The following RNLS variants were observed in gnomAD, a reference collection of about 807,000 sequenced individuals.
The protein encoded by RNLS is renalase, FAD dependent amine oxidase.
RNLS carries 39 observed loss-of-function variants against 39.8 expected under a neutral mutation model. That is an observed-to-expected ratio of 0.98 (90% CI 0.76 to 1.28). RNLS has a LOEUF of 1.28. RNLS is among the 50% of genes most tolerant of loss of function. The pLI is 0.00. For missense variants in RNLS, 410 were observed against 413.3 expected (o/e 0.99, Z 0.07); for synonymous variants, 147 against 150.7 (o/e 0.98, Z 0.18).
intron 4 of RNLS, among the ~76,000 whole-genome samples, chr10:88,559,457 A>G (rs1412525983): frequency 6.6e-6 from 1 of 152,094 alleles, no homozygotes; most frequent in African/African-American, 2.4e-5. Flanking sequence ...GCTCACCATA[A>G]TCTGCCCCAA....
intron 4 of RNLS, among the ~76,000 whole-genome samples, chr10:88,363,096 A>T (rs962629912): frequency 6.6e-6 from 1 of 152,162 alleles, no homozygotes. Context: ...TACTTGACAT[A>T]AGCATTTCAC....
intron 4 of RNLS, among the ~76,000 whole-genome samples, chr10:88,383,123 CT>C (rs1851654437): frequency 6.6e-6 from 1 of 152,018 alleles, no homozygotes; most frequent in African/African-American, 2.4e-5. Context: ...CTTTTGCGGA[CT>C]TAACCATCAT....
chr10:88,283,025 G>T (rs745386584), downstream of RNLS, among the ~76,000 whole-genome samples: 3 of 152,148 alleles, frequency 2.0e-5, no homozygotes, highest in East Asian at 5.8e-4. Context: ...GTGTGGCCCC[G>T]TGGGGCTAAC....
chr10:88,537,242 A>G (rs1305000045), intron 4 of RNLS, among the ~76,000 whole-genome samples: 2 of 152,160 alleles, frequency 1.3e-5, no homozygotes, highest in Admixed American at 6.6e-5. Flanking sequence ...ATTACTATCA[A>G]CTCAATACAG....
chr10:88,452,866 C>A (rs1450550946), intron 4 of RNLS, among the ~76,000 whole-genome samples: 1 of 152,154 alleles, frequency 6.6e-6, no homozygotes, highest in African/African-American at 2.4e-5. Flanking sequence ...TCTTGGTACT[C>A]TCTTGCTCAA....
At chr10:88,578,132 T>C (rs1850318404) in intron 3 of RNLS, among the ~76,000 whole-genome samples, 1 of 152,214 alleles carries the variant, frequency 6.6e-6, no homozygotes, top group South Asian at 2.1e-4. Flanking sequence ...AAGAGATTAC[T>C]ATGTGACTGG....
intron 4 of RNLS, among the ~76,000 whole-genome samples, chr10:88,460,600 A>G (rs1842892483): frequency 6.6e-6 from 1 of 152,276 alleles, no homozygotes; most frequent in East Asian, 1.9e-4. Context: ...GAAAGACAAG[A>G]GCATTCCTAT....
exon 7 of RNLS, chr10:88,275,029 G>A (rs762876498): frequency 6.2e-6 from 10 of 1,612,472 alleles, no homozygotes; most frequent in Middle Eastern, 1.6e-4. Context: ...CCAGCACTTG[G>A]TACCTGAAAA....
the RNLS span, among the ~76,000 whole-genome samples, chr10:88,265,323 CTTTTTTTTTTTTTTTT>C: frequency 3.4e-5 from 2 of 59,066 alleles, no homozygotes; most frequent in Non-Finnish European, 6.3e-5. Context: ...CAGGGTTTTT[CTTTTTTTTTTTTTTTT>C]TTTTTTTTGG....
intron 4 of RNLS, among the ~76,000 whole-genome samples, chr10:88,523,481 T>A (rs114866399): frequency 5.3e-4 from 81 of 152,312 alleles, no homozygotes; most frequent in African/African-American, 1.9e-3. Flanking sequence ...TTTATTATTA[T>A]TCCACTTCAC....
chr10:88,573,178 T>C (rs752402480), intron 3 of RNLS, 117 bp from the exon 4 acceptor site: 8 of 888,016 alleles, frequency 9.0e-6, no homozygotes, highest in Non-Finnish European at 1.2e-5. Context: ...GACTGTCTTC[T>C]ACTGTCCTCC....
chr10:88,559,083 A>G (rs1160375820), intron 4 of RNLS, among the ~76,000 whole-genome samples: 1 of 152,196 alleles, frequency 6.6e-6, no homozygotes, highest in African/African-American at 2.4e-5. Flanking sequence ...AACGTCTTTT[A>G]GTAAAAGTAT....
At chr10:88,421,529 G>A (rs1167403786) in intron 4 of RNLS, among the ~76,000 whole-genome samples, 1 of 152,116 alleles carries the variant, frequency 6.6e-6, no homozygotes, top group Non-Finnish European at 1.5e-5. Flanking sequence ...TCTCCCTGGT[G>A]TGTGCTGTCT....
In RNLS at chr10:88,582,292, G is replaced by A. The variant is rs962038774; in HGVS notation, c.134C>T (p.Thr45Ile). The A allele has an allele frequency of 6.2e-7, 1 of 1,613,410 alleles. No individual in the cohort carries two copies. Among genetic ancestry groups the A allele is most frequent in the African/African-American group, 1.3e-5 (1 of 74,892 alleles). Residue 45 changes from threonine to isoleucine, a missense_variant, in exon 2 of 7, where the codon ACA becomes ATA. By Grantham distance (89) the Thr-to-Ile change is moderately conservative (BLOSUM62 -1). Transcript: ENST00000331772. Reference sequence around the variant, plus strand: ...CTGAGGATTATGAGGACTGCAGGCTGTAGTCATTCTTCCCCCTTGAATTAA... The same window carrying A: ...CTGAGGATTATGAGGACTGCAGGCTATAGTCATTCTTCCCCCTTGAATTAA... The part of the protein sequence containing the change: ...KAEDSGGRMT[T>I]ACSPHNPQCT...
intron 4 of RNLS, among the ~76,000 whole-genome samples, chr10:88,371,674 C>T (rs895923098): frequency 6.6e-6 from 1 of 152,082 alleles, no homozygotes; most frequent in Non-Finnish European, 1.5e-5. Flanking sequence ...AAATAAAGGG[C>T]ACCAAAGAAG....
intron 4 of RNLS, among the ~76,000 whole-genome samples, chr10:88,381,830 C>A (rs1851520513): frequency 6.6e-6 from 1 of 152,020 alleles, no homozygotes; most frequent in East Asian, 1.9e-4. Flanking sequence ...TGACCCCTGT[C>A]TGGTTTTTTT....
At chr10:88,388,029 G>T (rs914432129) in intron 4 of RNLS, among the ~76,000 whole-genome samples, 3 of 152,174 alleles carry the variant, frequency 2.0e-5, no homozygotes, top group African/African-American at 2.4e-5. Context: ...TTTCCCTGGG[G>T]TGTATCACAG....
intron 4 of RNLS, among the ~76,000 whole-genome samples, chr10:88,520,544 A>G (rs1846665326): frequency 6.6e-6 from 1 of 152,056 alleles, no homozygotes; most frequent in Non-Finnish European, 1.5e-5. Context: ...TTCTTGGCAT[A>G]TTAGTTAAGA....
the RNLS span, among the ~76,000 whole-genome samples, chr10:88,252,519 C>T: frequency 5.3e-5 from 8 of 152,188 alleles, no homozygotes; most frequent in Non-Finnish European, 8.8e-5. Context: ...CTAGGGGCTT[C>T]GATTTTCTTC....
Sources: allele counts gnomAD v4.1 joint callset (sites outside exome capture counted in the v4.1 genomes callset), GRCh38; gene constraint gnomAD v4.1.1; transcripts MANE v1.5; gene names NCBI Gene and HGNC (gene_info 2026-07-23, HGNC 2026-07-21).